The following NBPF11 variants were observed in gnomAD, a reference collection of about 807,000 sequenced individuals.
NBPF11 encodes the protein NBPF family member NBPF11.
A neutral mutation model predicts 93.9 loss-of-function variants in NBPF11; 72 were observed. The ratio of observed to expected loss-of-function variants is 0.77; its 90% CI spans 0.63 to 0.93. NBPF11 has a LOEUF of 0.93. Ranked by LOEUF, NBPF11 falls within the 40% of genes least tolerant of loss-of-function variation. NBPF11 has a pLI of 0.00. For synonymous variants in NBPF11, 224 were observed against 304.9 expected, an observed-to-expected ratio of 0.73 and a Z score of 2.76; for missense variants, 705 against 802.2, an observed-to-expected ratio of 0.88 and a Z score of 1.46.
chr1:148,122,651 A>G (rs1350754076), intron 8 of NBPF11, 78 bp downstream of exon 8: 65 of 1,585,014 alleles, frequency 4.1e-5, no homozygotes, highest in Middle Eastern at 2.2e-4. Flanking sequence ...GGCCCATCAT[A>G]GATGCCAGAG....
chr1:148,146,515 C>T (rs1291958673), intron 1 of NBPF11: 3 of 1,603,242 alleles, frequency 1.9e-6, no homozygotes, highest in African/African-American at 2.7e-5. Flanking sequence ...GGTGCCTGAG[C>T]CCGAGCTGGG....
At chr1:148,141,415 C>G (rs1482781125) in intron 2 of NBPF11, among the ~76,000 whole-genome samples, 2 of 152,052 alleles carry the variant, frequency 1.3e-5, no homozygotes, top group Non-Finnish European at 2.9e-5. Flanking sequence ...TAGGAGAACT[C>G]TCTGTACTAT....
intron 9 of NBPF11, among the ~76,000 whole-genome samples, chr1:148,121,138 G>A (rs1419097956): frequency 2.6e-5 from 4 of 151,504 alleles, no homozygotes; most frequent in Admixed American, 6.6e-5. Flanking sequence ...TCTGCCTCCC[G>A]GGTTCAAGCG....
At position 148,106,867 on chromosome 1, in the gene NBPF11, C is replaced by G. The variant is rs1418939898; in HGVS notation, c.2251+75G>C. On this transcript the variant is annotated intron_variant, in intron 20 of 23. Coordinates refer to ENST00000682118, the MANE Select transcript of NBPF11 (RefSeq NM_001385469.3). ...ATGAAGTCTCTCGGGTCAGTAAGGG[C>G]CACTTGGAACAGGAATATCACCCCT... The G allele has an allele frequency of 7.9e-5, 63 of 796,860 alleles. 3 individuals carry two copies. The highest frequency in any genetic ancestry group is 3.5e-4 in the Middle Eastern group (1 of 2,888). 49.4% of individuals were successfully genotyped at this position (796,860 alleles called of 1,614,324 possible). A position where few individuals can be genotyped will look rare whatever the true frequency, so the allele number is the denominator to read the frequency against.
intron 4 of NBPF11, among the ~76,000 whole-genome samples, chr1:148,133,379 A>G (rs1189109097): frequency 2.0e-5 from 3 of 152,082 alleles, no homozygotes; most frequent in African/African-American, 7.3e-5. Flanking sequence ...AACAGCAGGT[A>G]TTCTACTTTT....
rs1371397845 is a variant in NBPF11, at chr1:148,135,929, C to T, written c.-177-116G>A. ...AGTGCCCTGTGTGGCCTGAGAGAAG[C>T]TCATACTGGTCACAGGATTCTTTAC... On this transcript the variant is annotated intron_variant, in intron 3 of 23. Coordinates refer to ENST00000682118, the MANE Select transcript of NBPF11 (RefSeq NM_001385469.3). 6 of 730,750 alleles carry T rather than the reference C, an allele frequency of 8.2e-6. No individual in the cohort carries two copies. The African/African-American group carries it at 1.1e-4, about 13-fold the overall frequency. 45.3% of individuals were successfully genotyped at this position (730,750 alleles called of 1,614,324 possible).
intron 1 of NBPF11, chr1:148,149,283 G>A (rs1647618398): frequency 6.3e-7 from 1 of 1,596,654 alleles, no homozygotes; most frequent in South Asian, 1.1e-5. Context: ...CTCACCTCGG[G>A]CATGCGCGTC....
At position 148,137,116 on chromosome 1, in the gene NBPF11, T is replaced by C. The variant is rs1212108502; in HGVS notation, c.-178+595A>G. ...ATGAGACACCATTCCTGTGACTACA[T>C]TGTTATATGCCAGTTATATGACTTT... On this transcript the variant is annotated intron_variant, in intron 3 of 23. Coordinates refer to ENST00000682118, the MANE Select transcript of NBPF11 (RefSeq NM_001385469.3). Among the ~76,000 whole-genome samples, 10 of 152,076 alleles carry C rather than the reference T, an allele frequency of 6.6e-5. No individual in the cohort carries two copies. The East Asian group carries it at 1.4e-3, about 21-fold the overall frequency.
intron 18 of NBPF11, 151 bp downstream of exon 18, chr1:148,108,331 G>C (rs1664290692): frequency 3.0e-6 from 2 of 656,450 alleles, no homozygotes; most frequent in African/African-American, 3.6e-5. Flanking sequence ...GCTTCCAAGT[G>C]GAACTAGAGT....
In NBPF11 at chr1:148,108,653, G is replaced by T. The variant is rs1224954362; in HGVS notation, c.1855C>A (p.Leu619Ile). ...TTCTCATCCAGCAGCTCCCTGCTGA[G>T]CCTGGAAAAGTGGGAAAAAGTAAAG... ...KEDQEATGPR[L>I]SRELLDEKEP... The change falls in exon 18 of 24, where the codon CTC (leucine) becomes ATC (isoleucine). Residue 619 changes from leucine (L) to isoleucine (I), a missense_variant and splice_region_variant. By Grantham distance (5) the Leu-to-Ile change is conservative (BLOSUM62 2). Transcript: ENST00000682118. 1 of 1,049,340 alleles carries T rather than the reference G, an allele frequency of 9.5e-7. No individual in the cohort carries two copies. The highest frequency in any genetic ancestry group is 1.5e-6 in the Non-Finnish European group (1 of 667,492). 65.0% of individuals were successfully genotyped at this position (1,049,340 alleles called of 1,614,324 possible).
chr1:148,122,648 C>T lies in NBPF11; in HGVS notation c.566+81G>A, dbSNP rs1280734689. On this transcript the variant is annotated intron_variant, in intron 8 of 23. Coordinates refer to ENST00000682118, the MANE Select transcript of NBPF11 (RefSeq NM_001385469.3). The stretch of plus-strand genomic sequence containing the variant: ...AAGGGAATGCGGGCTTTTGGCCCAT[C>T]ATAGATGCCAGAGAGGGCGTGCCTC... 1.3e-4 allele frequency: 211 copies of T among 1,582,382 alleles called. 1 individual carries two copies. The highest frequency in any genetic ancestry group is 3.0e-4 in the Admixed American group (18 of 59,958).
Position 148,129,578 on chromosome 1 carries a change from G to A in NBPF11, c.-35-2540C>T, listed in dbSNP as rs1475755497. The A allele has an allele frequency of 1.3e-3, 219 of 164,134 alleles. 3 individuals carry two copies. The highest frequency in any genetic ancestry group is 4.9e-3 in the African/African-American group (205 of 41,462). 10.2% of individuals were successfully genotyped at this position (164,134 alleles called of 1,614,324 possible). ...GGACCCACCTTCCATCTGTGCCACC[G>A]TCCCAGGGAAAACCTTCCTCAACAT... is the stretch of plus-strand genomic sequence containing the variant. On this transcript the variant is annotated intron_variant, in intron 4 of 23. Coordinates refer to ENST00000682118, the MANE Select transcript of NBPF11 (RefSeq NM_001385469.3).
Position 148,118,648 on chromosome 1 carries a change from C to G in NBPF11, c.1063G>C (p.Glu355Gln). Residue 355 changes from glutamate (E) to glutamine (Q), a missense_variant, in exon 11 of 24, where the codon GAG becomes CAG. Transcript: ENST00000682118. ...ERQFKEEKLA[E>Q]QLKQAEELRQ... The stretch of plus-strand genomic sequence containing the variant: ...AGCTCCTCAGCTTGCTTCAGCTGCT[C>G]TGCAAGCTTCTCCTCCTTGAACTGT... 2.5e-6 allele frequency: 4 copies of G among 1,612,982 alleles called. No individual in the cohort carries two copies. The highest frequency in any genetic ancestry group is 1.1e-5 in the South Asian group (1 of 91,030).
At chr1:148,142,323 C>T (rs1316309515) in intron 2 of NBPF11, among the ~76,000 whole-genome samples, 2 of 151,960 alleles carry the variant, frequency 1.3e-5, no homozygotes, top group African/African-American at 4.8e-5. Flanking sequence ...CCATGGGGTA[C>T]AACCCCTTCT....
chr1:148,108,246 A>G (rs1474773218), intron 18 of NBPF11, among the ~76,000 whole-genome samples: 2 of 151,590 alleles, frequency 1.3e-5, no homozygotes, highest in African/African-American at 2.4e-5. Flanking sequence ...ACATCTTGAG[A>G]GTAGGATTAG....
chr1:148,127,716 C>T (rs1669430167), intron 4 of NBPF11, among the ~76,000 whole-genome samples: 1 of 139,212 alleles, frequency 7.2e-6, no homozygotes, highest in South Asian at 2.4e-4. Flanking sequence ...GATCTAGGCT[C>T]ACTGCAAGCT....
In NBPF11 at chr1:148,102,368, T is replaced by C. The variant is rs1358824857; in HGVS notation, c.*1528A>G. 1 of 151,888 alleles carries C rather than the reference T, an allele frequency of 6.6e-6. No individual in the cohort carries two copies. The highest frequency in any genetic ancestry group is 1.5e-5 in the Non-Finnish European group (1 of 68,034). 9.4% of individuals were successfully genotyped at this position (151,888 alleles called of 1,614,324 possible). On this transcript the variant is annotated 3_prime_UTR_variant, in exon 24 of 24. Coordinates refer to ENST00000682118, the MANE Select transcript of NBPF11 (RefSeq NM_001385469.3). The stretch of plus-strand genomic sequence containing the variant: ...AAATGATAAAATGTTTAGAGGATGA[T>C]CATTAGAATACAGGATATTTATACT...
At chr1:148,109,248 A>T (rs1311439597) in intron 17 of NBPF11, 36 bp downstream of exon 17, 4 of 831,880 alleles carry the variant, frequency 4.8e-6, no homozygotes, top group Non-Finnish European at 8.3e-6. Flanking sequence ...CCAGGTGTCA[A>T]CATCAAATTA....
At chr1:148,132,211 A>ATG (rs1670483871) in intron 4 of NBPF11, among the ~76,000 whole-genome samples, 1 of 135,534 alleles carries the variant, frequency 7.4e-6, no homozygotes, top group Non-Finnish European at 1.6e-5. Context: ...ATATATATAT[A>ATG]TATACACACA....
Sources: gnomAD v4.1 joint callset for allele counts (sites outside exome capture counted in the v4.1 genomes callset) on GRCh38, gnomAD v4.1.1 for gene constraint, MANE v1.5 for transcripts, NCBI Gene and HGNC (gene_info 2026-07-23, HGNC 2026-07-21) for gene names.